ARID5B: variants seen among roughly 807,000 people sequenced by gnomAD.
The protein encoded by ARID5B is AT-rich interactive domain-containing protein 5B.
In ARID5B, 13 loss-of-function variants were observed where a neutral mutation model predicts 97.2. The ratio of observed to expected loss-of-function variants is 0.13; its 90% CI spans 0.09 to 0.21. ARID5B has a LOEUF of 0.21. Ranked by LOEUF, ARID5B falls within the 10% of genes least tolerant of loss-of-function variation. ARID5B has a pLI of 1.00. For missense variants in ARID5B, 1,210 were observed against 1,465.3 expected, an observed-to-expected ratio of 0.83 and a Z score of 2.84; for synonymous variants, 556 against 570.3, an observed-to-expected ratio of 0.97 and a Z score of 0.36.
chr10:61,978,674 T>C (rs1170572543), intron 3 of ARID5B, among the ~76,000 whole-genome samples: 9 of 152,002 alleles, frequency 5.9e-5, no homozygotes, highest in Non-Finnish European at 1.3e-4. Context: ...CTGTTATTGG[T>C]ATATAAGAAT....
chr10:61,957,256 T>G (rs1838403455), intron 3 of ARID5B, among the ~76,000 whole-genome samples: 1 of 152,192 alleles, frequency 6.6e-6, no homozygotes, highest in Non-Finnish European at 1.5e-5. Flanking sequence ...TAAACATAAC[T>G]TTATTGTCTT....
intron 8 of ARID5B, among the ~76,000 whole-genome samples, chr10:62,082,678 TG>T (rs1255714284): frequency 1.3e-5 from 2 of 152,228 alleles, no homozygotes; most frequent in South Asian, 2.1e-4. Context: ...CTGTTTTTAA[TG>T]GTACCACATG....
intron 4 of ARID5B, among the ~76,000 whole-genome samples, chr10:62,016,059 T>C (rs896556912): frequency 2.0e-5 from 3 of 152,232 alleles, no homozygotes; most frequent in African/African-American, 7.2e-5. Context: ...GCATTGCGGC[T>C]AAGGTTCCAT....
At chr10:62,045,497 C>T (rs1476344916) in intron 4 of ARID5B, among the ~76,000 whole-genome samples, 8 of 148,502 alleles carry the variant, frequency 5.4e-5, no homozygotes, top group African/African-American at 2.0e-4. Flanking sequence ...CCTGCCCAGG[C>T]TGGAGTGCAG....
chr10:62,071,402 T>C (rs1401169232), intron 8 of ARID5B, among the ~76,000 whole-genome samples: 1 of 152,184 alleles, frequency 6.6e-6, no homozygotes, highest in Non-Finnish European at 1.5e-5. Flanking sequence ...GACATCCCTG[T>C]CCTTTATATG....
At chr10:62,080,273 A>C (rs1257982717) in intron 8 of ARID5B, among the ~76,000 whole-genome samples, 1 of 152,118 alleles carries the variant, frequency 6.6e-6, no homozygotes, top group Non-Finnish European at 1.5e-5. Flanking sequence ...TGCTCCACTC[A>C]AGTTCACACC....
At chr10:62,043,472 A>G (rs555217693) in intron 4 of ARID5B, among the ~76,000 whole-genome samples, 1 of 152,362 alleles carries the variant, frequency 6.6e-6, no homozygotes, top group Admixed American at 6.5e-5. Context: ...CCCTTGCCTC[A>G]AGACACAGTG....
intron 4 of ARID5B, among the ~76,000 whole-genome samples, chr10:62,013,562 T>C (rs973098223): frequency 1.3e-5 from 2 of 152,014 alleles, no homozygotes; most frequent in African/African-American, 2.4e-5. Context: ...TATGTATCCC[T>C]TGAGCAACAT....
At chr10:62,018,749 T>C (rs941267582) in intron 4 of ARID5B, among the ~76,000 whole-genome samples, 11 of 152,212 alleles carry the variant, frequency 7.2e-5, no homozygotes, top group African/African-American at 2.6e-4. Context: ...TTAATGAAAG[T>C]TGGCTGGTTT....
chr10:61,968,144 T>C (rs1838572244), intron 3 of ARID5B, among the ~76,000 whole-genome samples: 1 of 142,760 alleles, frequency 7.0e-6, no homozygotes, highest in African/African-American at 2.6e-5. Context: ...GCCACAATAA[T>C]AATACATTTA....
chr10:61,976,610 G>T (rs781488711), intron 3 of ARID5B, among the ~76,000 whole-genome samples: 13 of 152,190 alleles, frequency 8.5e-5, no homozygotes, highest in Non-Finnish European at 1.6e-4. Context: ...CTCAAACAGT[G>T]CCTAACCTTG....
chr10:61,992,060 C>G (rs1030818555), intron 3 of ARID5B, among the ~76,000 whole-genome samples: 1 of 152,010 alleles, frequency 6.6e-6, no homozygotes, highest in Non-Finnish European at 1.5e-5. Context: ...ATGGCTGACT[C>G]TAGCCAAAGT....
chr10:62,034,177 T>G lies in ARID5B; in HGVS notation c.734-16711T>G, dbSNP rs372736219. The stretch of plus-strand genomic sequence containing the variant: ...CTCTGTGTGCATGATTTCATAAAAC[T>G]GGTATAGCAGTTTATTATTATAAAA... On this transcript the variant is annotated intron_variant, in intron 4 of 9. Coordinates refer to ENST00000279873, the MANE Select transcript of ARID5B (RefSeq NM_032199.3). Among the ~76,000 whole-genome samples the G allele has an allele frequency of 2.6e-5, 4 of 152,332 alleles. No homozygotes were observed. The South Asian group carries it at 8.3e-4, about 32-fold the overall frequency.
intron 3 of ARID5B, among the ~76,000 whole-genome samples, chr10:61,969,164 C>T (rs1295652235): frequency 1.3e-5 from 2 of 152,144 alleles, no homozygotes; most frequent in South Asian, 4.1e-4. Context: ...CCCTCCCCCC[C>T]AAATAAAGTG....
intron 3 of ARID5B, among the ~76,000 whole-genome samples, chr10:61,987,210 C>T (rs1236820622): frequency 1.3e-5 from 2 of 152,062 alleles, no homozygotes. Context: ...CATGAGGGAG[C>T]CCAATGATAC....
At chr10:61,979,921 G>A (rs1217642203) in intron 3 of ARID5B, among the ~76,000 whole-genome samples, 1 of 151,864 alleles carries the variant, frequency 6.6e-6, no homozygotes, top group African/African-American at 2.4e-5. Flanking sequence ...GTGAAACCCC[G>A]TTTCTACTGA....
chr10:62,009,359 C>T (rs771066087), intron 4 of ARID5B, among the ~76,000 whole-genome samples: 2 of 152,168 alleles, frequency 1.3e-5, no homozygotes, highest in Non-Finnish European at 2.9e-5. Context: ...TGGGCACCAA[C>T]TATGTTTAAG....
At chr10:61,938,063 A>G (rs1316814480) in intron 2 of ARID5B, among the ~76,000 whole-genome samples, 1 of 151,938 alleles carries the variant, frequency 6.6e-6, no homozygotes, top group Non-Finnish European at 1.5e-5. Flanking sequence ...ATTTGTTTTT[A>G]TGTGTGTGTG....
intron 6 of ARID5B, 65 bp from the exon 7 acceptor site, chr10:62,059,178 A>C (rs1438799883): frequency 1.5e-6 from 2 of 1,303,852 alleles, no homozygotes; most frequent in Non-Finnish European, 2.1e-6. Flanking sequence ...AAAATGTTTT[A>C]ATTGACATTT....
Sources: gnomAD v4.1 joint callset for allele counts (sites outside exome capture counted in the v4.1 genomes callset) on GRCh38, gnomAD v4.1.1 for gene constraint, MANE v1.5 for transcripts, NCBI Gene and HGNC (gene_info 2026-07-23, HGNC 2026-07-21) for gene names.